FBXL7: variants seen among roughly 807,000 people sequenced by gnomAD.
The protein encoded by FBXL7 is F-box/LRR-repeat protein 7.
A neutral mutation model predicts 38.3 loss-of-function variants in FBXL7; 12 were observed. The observed-to-expected ratio is 0.31, with a 90% CI of 0.20 to 0.51. The LOEUF (loss-of-function observed/expected upper bound fraction) is 0.51, where lower values mean the gene tolerates loss of function less well. FBXL7 is among the 20% of genes least tolerant of loss of function. The pLI, the probability that FBXL7 is intolerant of heterozygous loss-of-function variation, is 0.98. For synonymous variants in FBXL7, 297 were observed against 300.9 expected (o/e 0.99, Z 0.13); for missense variants, 567 against 676.4 (o/e 0.84, Z 1.79).
intron 2 of FBXL7, among the ~76,000 whole-genome samples, chr5:15,816,318 GAACAAAGT>G (rs1276506043): frequency 6.6e-6 from 1 of 151,938 alleles, no homozygotes; most frequent in Non-Finnish European, 1.5e-5. Flanking sequence ...CCATGGAAAA[GAACAAAGT>G]AAGTCTTTTG....
intron 2 of FBXL7, among the ~76,000 whole-genome samples, chr5:15,781,930 A>G (rs912854218): frequency 1.8e-4 from 27 of 152,162 alleles, no homozygotes; most frequent in African/African-American, 5.3e-4. Context: ...TGCTGCACCT[A>G]TCAACCCGTC....
Position 15,928,642 on chromosome 5 carries a change from G to A in FBXL7, c.739+141G>A, listed in dbSNP as rs902368058. ...GGTGGTAGGGAGGCTGGCTTTTGCA[G>A]AGAAACTGTCTCTATGGAATCATGA... On this transcript the variant is annotated intron_variant, in intron 3 of 3. Transcript: ENST00000504595. This position sits in a 1 kb window ranked among gnomAD's most constrained non-coding sequence, Gnocchi z 4.0. 2.4e-5 allele frequency: 25 copies of A among 1,055,626 alleles called. No individual in the cohort carries two copies. Among genetic ancestry groups the A allele is most frequent in the Middle Eastern group, 3.2e-4 (1 of 3,148 alleles). The allele number at this position is 1,055,626 out of a possible 1,614,324, so 65.4% of individuals were successfully genotyped here. A position where few individuals can be genotyped will look rare whatever the true frequency, so the allele number is the denominator to read the frequency against.
chr5:15,836,752 GAGCAGAGGGT>G (rs1354735213), intron 2 of FBXL7, among the ~76,000 whole-genome samples: 1 of 152,192 alleles, frequency 6.6e-6, no homozygotes, highest in Non-Finnish European at 1.5e-5. Context: ...TCAAGTTTAG[GAGCAGAGGGT>G]AATGTGACTG....
intron 1 of FBXL7, among the ~76,000 whole-genome samples, chr5:15,588,449 C>T (rs553685088): frequency 2.0e-5 from 3 of 150,056 alleles, no homozygotes; most frequent in South Asian, 4.2e-4. Flanking sequence ...TGCAGTGGCA[C>T]GATCTCGGGT....
chr5:15,774,818 T>G (rs765006378), intron 2 of FBXL7, among the ~76,000 whole-genome samples: 3 of 152,216 alleles, frequency 2.0e-5, no homozygotes, highest in Non-Finnish European at 4.4e-5. Context: ...CATCTTTGGT[T>G]GTTGTCCGTG....
intron 1 of FBXL7, among the ~76,000 whole-genome samples, chr5:15,551,743 C>T (rs191270371): frequency 7.1e-4 from 108 of 152,276 alleles, no homozygotes; most frequent in African/African-American, 2.4e-3. Flanking sequence ...AGTGGTGTTA[C>T]ATTTTTGTGT....
chr5:15,594,449 C>T (rs575007098), intron 1 of FBXL7, among the ~76,000 whole-genome samples: 11 of 152,250 alleles, frequency 7.2e-5, no homozygotes, highest in South Asian at 2.1e-4. Flanking sequence ...GTATATTTTG[C>T]GTGAATGATG....
At position 15,936,659 on chromosome 5, in the gene FBXL7, C is replaced by A; in HGVS notation, c.949C>A (p.Arg317Ser). 7 of 1,608,268 alleles carry A rather than the reference C, an allele frequency of 4.4e-6. No homozygotes were observed. The highest frequency in any genetic ancestry group is 5.9e-6 in the Non-Finnish European group (7 of 1,179,668). ...RCVRLTDEGL[R>S]YLVIYCASIK... The stretch of plus-strand genomic sequence containing the variant: ...CGTCCGCCTGACCGACGAAGGCCTG[C>A]GCTACCTGGTGATCTACTGCGCCTC... The change falls in exon 4 of 4, where the codon CGC becomes AGC. Residue 317 changes from arginine (R) to serine (S), a missense_variant. Coordinates refer to ENST00000504595, the MANE Select transcript of FBXL7 (RefSeq NM_012304.5). This position sits in a 1 kb window ranked among gnomAD's most constrained non-coding sequence, Gnocchi z 6.0.
chr5:15,755,143 C>A (rs1042467546), intron 2 of FBXL7, among the ~76,000 whole-genome samples: 2 of 152,142 alleles, frequency 1.3e-5, no homozygotes, highest in African/African-American at 2.4e-5. Context: ...TATACTAGAC[C>A]ATTGCCTGAA....
chr5:15,882,749 C>T (rs960767855), intron 2 of FBXL7, among the ~76,000 whole-genome samples: 1 of 152,176 alleles, frequency 6.6e-6, no homozygotes, highest in Non-Finnish European at 1.5e-5. Context: ...ACAGTTCATT[C>T]TCCTTGAACA....
At chr5:15,523,975 T>C (rs1003406097) in intron 1 of FBXL7, among the ~76,000 whole-genome samples, 2 of 152,320 alleles carry the variant, frequency 1.3e-5, no homozygotes, top group Non-Finnish European at 2.9e-5. Flanking sequence ...AGAGATGTGA[T>C]CTTTAAGATG....
At chr5:15,877,277 AATGAATGAGCCT>A in intron 2 of FBXL7, among the ~76,000 whole-genome samples, 1 of 152,338 alleles carries the variant, frequency 6.6e-6, no homozygotes, top group Admixed American at 6.5e-5. Flanking sequence ...GGGTTATGAA[AATGAATGAGCCT>A]ATTTGAGAAT....
intron 2 of FBXL7, among the ~76,000 whole-genome samples, chr5:15,636,761 TTG>T (rs1741200066): frequency 1.3e-5 from 2 of 152,144 alleles, no homozygotes; most frequent in African/African-American, 4.8e-5. Flanking sequence ...AGAATATCCT[TTG>T]TGATTTTTAG....
chr5:15,594,425 CGGT>C (rs1025860302), intron 1 of FBXL7, among the ~76,000 whole-genome samples: 6 of 152,232 alleles, frequency 3.9e-5, no homozygotes, highest in Admixed American at 1.3e-4. Context: ...ATTTCTTACG[CGGT>C]GGTAAGGGAG....
At chr5:15,566,931 C>T (rs938936492) in intron 1 of FBXL7, among the ~76,000 whole-genome samples, 5 of 152,114 alleles carry the variant, frequency 3.3e-5, no homozygotes, top group African/African-American at 1.2e-4. Flanking sequence ...CTATTTATTC[C>T]TCCCAGTTAG....
At chr5:15,830,279 T>G (rs1187074695) in intron 2 of FBXL7, among the ~76,000 whole-genome samples, 1 of 151,440 alleles carries the variant, frequency 6.6e-6, no homozygotes, top group Non-Finnish European at 1.5e-5. Flanking sequence ...AGGTCAGGAG[T>G]TCGAGACCAG....
At position 15,896,347 on chromosome 5, in the gene FBXL7, A is replaced by C. The variant is rs376076733; in HGVS notation, c.128-31543A>C. Among the ~76,000 whole-genome samples the C allele has an allele frequency of 1.8e-3, 281 of 152,332 alleles. 2 individuals are homozygous for C. The highest frequency in any genetic ancestry group is 6.1e-3 in the African/African-American group (255 of 41,574). The stretch of plus-strand genomic sequence containing the variant: ...TAGGTAGAGAGGCATGGATACTAAA[A>C]TTGTTGATCTGTCATCTATTCCTCA... On this transcript the variant is annotated intron_variant, in intron 2 of 3. Transcript: ENST00000504595.
chr5:15,675,256 A>G (rs565048106), intron 2 of FBXL7, among the ~76,000 whole-genome samples: 1 of 152,326 alleles, frequency 6.6e-6, no homozygotes, highest in South Asian at 2.1e-4. Context: ...ATTTCTTTTT[A>G]TGAAATATAC....
chr5:15,853,484 C>T (rs746388108), intron 2 of FBXL7, among the ~76,000 whole-genome samples: 48 of 151,818 alleles, frequency 3.2e-4, no homozygotes, highest in Non-Finnish European at 5.9e-4. Context: ...GCAGGGGTGG[C>T]GAGAGGTGAG....
Sources: allele counts gnomAD v4.1 joint callset (sites outside exome capture counted in the v4.1 genomes callset), GRCh38; gene constraint gnomAD v4.1.1; non-coding constraint Gnocchi (gnomAD v3.1); transcripts MANE v1.5; gene names NCBI Gene and HGNC (gene_info 2026-07-23, HGNC 2026-07-21).